ALX1: variants seen among roughly 807,000 people sequenced by gnomAD.
ALX1 encodes ALX homeobox 1, also known as ALX homeobox protein 1.
ALX1 carries 19 observed loss-of-function variants against 31.7 expected under a neutral mutation model. That is an observed-to-expected ratio of 0.60 (90% CI 0.42 to 0.88). The LOEUF (loss-of-function observed/expected upper bound fraction) is 0.88. Ranked by LOEUF, ALX1 falls within the 40% of genes least tolerant of loss-of-function variation. The pLI, the probability that ALX1 is intolerant of heterozygous loss-of-function variation, is 0.00. For synonymous variants in ALX1, 153 were observed against 148.8 expected (o/e 1.03, Z -0.20); for missense variants, 415 against 407.8 (o/e 1.02, Z -0.15).
intron 2 of ALX1, 42 bp downstream of exon 2, chr12:85,283,918 T>A: frequency 6.3e-7 from 1 of 1,596,718 alleles, no homozygotes; most frequent in Non-Finnish European, 8.6e-7. Context: ...GATAGGAAAA[T>A]AAATGGTGTT....
chr12:85,286,919 A>G lies in ALX1; in HGVS notation c.598A>G (p.Lys200Glu). Reference protein sequence around the residue: ...RERYGQIQQAKSHFAATYDIS... With the variant: ...RERYGQIQQAESHFAATYDIS... Reference sequence around the variant, plus strand: ...ACGTTATGGCCAAATACAACAAGCGAAAAGCCATTTTGCTGCCACCTATGA... The same window carrying G: ...ACGTTATGGCCAAATACAACAAGCGGAAAGCCATTTTGCTGCCACCTATGA... Residue 200 changes from lysine (K) to glutamate (E), a missense_variant, in exon 3 of 4, where the codon AAA (lysine) becomes GAA (glutamate). Physicochemically the swap from Lys to Glu is moderately conservative, Grantham distance 56. This residue lies in a region of ALX1 where 174 missense variants were observed against 177.5 expected (regional missense o/e 0.98). Coordinates refer to ENST00000316824, the MANE Select transcript of ALX1 (RefSeq NM_006982.3). 1 of 1,612,360 alleles carries G rather than the reference A, an allele frequency of 6.2e-7. No homozygotes were observed. Among genetic ancestry groups the G allele is most frequent in the Non-Finnish European group, 8.5e-7 (1 of 1,178,728 alleles).
intron 3 of ALX1, among the ~76,000 whole-genome samples, chr12:85,291,758 C>T (rs1268126642): frequency 6.6e-6 from 1 of 150,450 alleles, no homozygotes; most frequent in African/African-American, 2.4e-5. Flanking sequence ...GATGGTTTTT[C>T]TGTTATTGTG....
At chr12:85,280,979 C>T (rs894527328) in intron 1 of ALX1, among the ~76,000 whole-genome samples, 5 of 152,010 alleles carry the variant, frequency 3.3e-5, no homozygotes, top group African/African-American at 1.2e-4. Flanking sequence ...CTTTGAGCTC[C>T]TTTAGGTAAA....
intron 2 of ALX1, among the ~76,000 whole-genome samples, chr12:85,285,384 C>T (rs935673495): frequency 6.6e-6 from 1 of 151,906 alleles, no homozygotes; most frequent in African/African-American, 2.4e-5. Context: ...AACCCAAAAA[C>T]GTATTACTAA....
chr12:85,301,501 T>G lies in ALX1; in HGVS notation c.*26T>G. The stretch of plus-strand genomic sequence containing the variant: ...CATACAGTACTCTTTTATTTTTCTT[T>G]TAATAGCAAAGTTAAACATTCTTAT... On this transcript the variant is annotated 3_prime_UTR_variant, in exon 4 of 4. Transcript: ENST00000316824. 1 of 1,606,940 alleles carries G rather than the reference T, an allele frequency of 6.2e-7. No individual in the cohort carries two copies. The highest frequency in any genetic ancestry group is 1.1e-5 in the South Asian group (1 of 90,994).
intron 1 of ALX1, among the ~76,000 whole-genome samples, chr12:85,282,076 G>A (rs956371625): frequency 1.3e-5 from 2 of 152,096 alleles, no homozygotes; most frequent in African/African-American, 4.8e-5. Flanking sequence ...CTCTTGAGAT[G>A]CCCTTAGCCT....
At chr12:85,292,677 G>T (rs893038732) in intron 3 of ALX1, among the ~76,000 whole-genome samples, 1 of 150,788 alleles carries the variant, frequency 6.6e-6, no homozygotes, top group Non-Finnish European at 1.5e-5. Flanking sequence ...AAATTTTAAG[G>T]TTTTCATGTA....
chr12:85,286,518 T>A lies in ALX1; in HGVS notation c.532-335T>A, dbSNP rs141047734. Among the ~76,000 whole-genome samples, 10 of 152,058 alleles carry A rather than the reference T, an allele frequency of 6.6e-5. No homozygotes were observed. The East Asian group carries it at 1.5e-3, about 23-fold the overall frequency. ...CATTCTCTTAAAGGAGACTTATCCA[T>A]GACAATGTGGAGATATATGGAGTAT... On this transcript the variant is annotated intron_variant, in intron 2 of 3. Coordinates refer to ENST00000316824, the MANE Select transcript of ALX1 (RefSeq NM_006982.3).
In ALX1 at chr12:85,286,756, T is replaced by A. The variant is rs1038912501; in HGVS notation, c.532-97T>A. 388 of 1,167,824 alleles carry A rather than the reference T, an allele frequency of 3.3e-4. 1 individual carries two copies. The highest frequency in any genetic ancestry group is 2.6e-4 in the Non-Finnish European group (216 of 836,244). The allele number at this position is 1,167,824 out of a possible 1,614,324, so 72.3% of individuals were successfully genotyped here. On this transcript the variant is annotated intron_variant, in intron 2 of 3. Transcript: ENST00000316824. Reference sequence around the variant, plus strand: ...TACATTTCTTTTTACGTAATTTTTTTAACCTGGTTTACCTTTCTTGTTTGA... The same window carrying A: ...TACATTTCTTTTTACGTAATTTTTTAAACCTGGTTTACCTTTCTTGTTTGA...
At chr12:85,287,006 G>T (rs200589760) in intron 3 of ALX1, 25 bp downstream of exon 3, 40 of 1,610,184 alleles carry the variant, frequency 2.5e-5, no homozygotes, top group Non-Finnish European at 3.1e-5. Context: ...ACAGAATACT[G>T]ATCAAGAAAA....
chr12:85,300,721 C>T (rs1353088298), intron 3 of ALX1, among the ~76,000 whole-genome samples: 1 of 152,014 alleles, frequency 6.6e-6, no homozygotes, highest in African/African-American at 2.4e-5. Flanking sequence ...AAAACTGCCA[C>T]ACCAGGAGTC....
At chr12:85,298,440 G>A (rs1896918616) in intron 3 of ALX1, among the ~76,000 whole-genome samples, 1 of 151,688 alleles carries the variant, frequency 6.6e-6, no homozygotes, top group Non-Finnish European at 1.5e-5. Flanking sequence ...CAGAGGGCAG[G>A]CTTCAGAGAA....
chr12:85,283,752 G>A lies in ALX1; in HGVS notation c.407G>A (p.Arg136Gln). Residue 136 changes from arginine (R) to glutamine (Q), a missense_variant, in exon 2 of 4, where the codon CGA (arginine) becomes CAA (glutamine). Transcript: ENST00000316824. ...NVSSSKKRRH[R>Q]TTFTSLQLEE... The stretch of plus-strand genomic sequence containing the variant: ...TCCAGCAGTAAGAAACGGAGGCACC[G>A]AACCACCTTCACCAGTTTGCAGCTA... The A allele has an allele frequency of 1.9e-6, 3 of 1,614,050 alleles. No homozygotes were observed. Among genetic ancestry groups the A allele is most frequent in the Non-Finnish European group, 1.7e-6 (2 of 1,179,984 alleles).
intron 1 of ALX1, among the ~76,000 whole-genome samples, chr12:85,283,072 C>A (rs1461284500): frequency 6.6e-6 from 1 of 152,156 alleles, no homozygotes; most frequent in Non-Finnish European, 1.5e-5. Flanking sequence ...CATCTGAAAT[C>A]TATCATCAGT....
chr12:85,280,369 C>G lies in ALX1; in HGVS notation c.108C>G (p.Asp36Glu). 1 of 1,613,964 alleles carries G rather than the reference C, an allele frequency of 6.2e-7. No individual in the cohort carries two copies. The highest frequency in any genetic ancestry group is 8.5e-7 in the Non-Finnish European group (1 of 1,180,036). ...GPLEHVMETL[D>E]NESFYSKASA... is the part of the protein sequence containing the mutation. ...TGGAGCACGTTATGGAGACGCTGGACAATGAGTCCTTTTACAGCAAAGCGT... is the reference window on the plus strand; with the variant it reads ...TGGAGCACGTTATGGAGACGCTGGAGAATGAGTCCTTTTACAGCAAAGCGT... Residue 36 changes from aspartate (D) to glutamate (E), a missense_variant, in exon 1 of 4, where the codon GAC becomes GAG. By Grantham distance (45) the Asp-to-Glu change is conservative. This residue lies in a region of ALX1 where 235 missense variants were observed against 208.9 expected (regional missense o/e 1.13). Transcript: ENST00000316824.
chr12:85,287,702 A>G (rs1291388280), intron 3 of ALX1, among the ~76,000 whole-genome samples: 2 of 151,478 alleles, frequency 1.3e-5, no homozygotes, highest in Non-Finnish European at 3.0e-5. Flanking sequence ...TAATGAATGT[A>G]AATGTTTGTC....
chr12:85,288,686 G>A (rs183056853), intron 3 of ALX1, among the ~76,000 whole-genome samples: 2 of 151,508 alleles, frequency 1.3e-5, no homozygotes, highest in South Asian at 2.1e-4. Context: ...TTATGTGCTA[G>A]GTGTTACTAA....
intron 3 of ALX1, among the ~76,000 whole-genome samples, chr12:85,290,774 C>T (rs1472880402): frequency 1.3e-5 from 2 of 150,938 alleles, no homozygotes; most frequent in Non-Finnish European, 3.0e-5. Context: ...GAATTTGTTT[C>T]CTCTGTCTTG....
chr12:85,287,061 A>G, intron 3 of ALX1, 80 bp downstream of exon 3: 1 of 1,512,778 alleles, frequency 6.6e-7, no homozygotes, highest in Admixed American at 1.7e-5. Flanking sequence ...CATAGGCTTT[A>G]TTATATGTAA....
Sources: gnomAD v4.1 joint callset for allele counts (sites outside exome capture counted in the v4.1 genomes callset) on GRCh38, gnomAD v4.1.1 for gene constraint, gnomAD v4.1.1 regional missense constraint, MANE v1.5 for transcripts, NCBI Gene and HGNC (gene_info 2026-07-23, HGNC 2026-07-21) for gene names.